Variants in SPATA13 observed in about 807,000 individuals in gnomAD.
SPATA13 encodes the protein spermatogenesis associated 13, also known as spermatogenesis-associated protein 13.
A neutral mutation model predicts 104.0 loss-of-function variants in SPATA13; 50 were observed. The ratio of observed to expected loss-of-function variants is 0.48; its 90% CI spans 0.38 to 0.61. The LOEUF (loss-of-function observed/expected upper bound fraction) is 0.61, where lower values mean the gene tolerates loss of function less well. Ranked by LOEUF, SPATA13 falls within the 20% of genes least tolerant of loss-of-function variation. The pLI is 0.00. For missense variants in SPATA13, 1,524 were observed against 1,690.6 expected (o/e 0.90, Z 1.73); for synonymous variants, 606 against 667.5 (o/e 0.91, Z 1.42).
chr13:24,050,920 A>C, intron 3 of SPATA13, among the ~76,000 whole-genome samples: 1 of 152,178 alleles, frequency 6.6e-6, no homozygotes, highest in East Asian at 1.9e-4. Flanking sequence ...CCCACTTCTC[A>C]AAAGAATGTG....
Position 24,216,250 on chromosome 13 carries a change from T to C in SPATA13, c.-111-6569T>C, listed in dbSNP as rs555044844. 1.2e-4 allele frequency among the ~76,000 whole-genome samples: 19 copies of C among 152,342 alleles called. 1 individual carries two copies. The highest frequency in any genetic ancestry group is 4.1e-4 in the African/African-American group (17 of 41,580). On this transcript the variant is annotated intron_variant, in intron 1 of 12. Coordinates refer to ENST00000382108, the MANE Select transcript of SPATA13 (RefSeq NM_001166271.3). Reference sequence around the variant, plus strand: ...ACTACACCAGCCTGACCTGCAACTTTAGACACAGAAGGAAGATTTTCCTTT... The same window carrying C: ...ACTACACCAGCCTGACCTGCAACTTCAGACACAGAAGGAAGATTTTCCTTT...
chr13:24,290,594 C>G, intron 8 of SPATA13, 58 bp from the exon 9 acceptor site: 1 of 1,324,370 alleles, frequency 7.6e-7, no homozygotes, highest in Non-Finnish European at 1.1e-6. Context: ...TGATGCCTGT[C>G]TTTGTCATGT....
chr13:24,140,068 CAAAAAA>C (rs542732994), intron 3 of SPATA13, among the ~76,000 whole-genome samples: 1 of 85,912 alleles, frequency 1.2e-5, no homozygotes. Context: ...GACTCCGTCT[CAAAAAA>C]AAAAAAAAAA....
intron 3 of SPATA13, among the ~76,000 whole-genome samples, chr13:24,105,088 T>C (rs1413543883): frequency 2.6e-5 from 4 of 151,688 alleles, no homozygotes; most frequent in Non-Finnish European, 4.4e-5. Context: ...ACCTCCACTA[T>C]GGTACCTCTT....
In SPATA13 at chr13:24,284,157, GC is replaced by G. The variant is rs1566191896; in HGVS notation, c.2190del (p.Ser731LeufsTer3). The G allele has an allele frequency of 6.2e-7, 1 of 1,613,616 alleles. No homozygotes were observed. Among genetic ancestry groups the G allele is most frequent in the South Asian group, 1.1e-5 (1 of 91,054 alleles). On this transcript the variant is annotated frameshift_variant, in exon 5 of 13. Transcript: ENST00000382108. LOFTEE classifies it high-confidence loss of function. ...SNVSSDGGTE[P>X]SALVDDNGSE... ...TAGTTTCTTCAGATGGAGGTACTGA[GC>G]CCTCTGCCTTAGTGGATGACAACGG...
At chr13:24,155,057 C>G (rs1366136678) in intron 3 of SPATA13, among the ~76,000 whole-genome samples, 1 of 152,114 alleles carries the variant, frequency 6.6e-6, no homozygotes, top group Non-Finnish European at 1.5e-5. Flanking sequence ...AGGGTTTCAC[C>G]ATGTTGGCTA....
rs1876849444 is a variant in SPATA13, at chr13:24,297,274, A to G, written c.3211-89A>G. ...AGGCTGGTCTCAAACTCTTGGCCTC[A>G]ACGATCCTCCCACCTTGGCTTCTTA... On this transcript the variant is annotated intron_variant, in intron 10 of 12. Transcript: ENST00000382108. 65 of 1,481,832 alleles carry G rather than the reference A, an allele frequency of 4.4e-5. 2 individuals carry two copies. In the South Asian group the frequency reaches 8.4e-4, roughly 19 times the overall value. The allele number at this position is 1,481,832 out of a possible 1,614,324, so 91.8% of individuals were successfully genotyped here. A position where few individuals can be genotyped will look rare whatever the true frequency, so the allele number is the denominator to read the frequency against.
chr13:24,183,605 ATTT>A (rs58865453), intron 1 of SPATA13, among the ~76,000 whole-genome samples: 13,333 of 147,848 alleles, frequency 0.09, 761 homozygotes, highest in Non-Finnish European at 0.13. Flanking sequence ...ATTTCTTTAC[ATTT>A]TTTTTTTTTT....
rs34901396 is a variant in SPATA13 at position 24,098,594 on chromosome 13, T to TAA, written c.-112+80906_-112+80907dup. On this transcript the variant is annotated intron_variant, in intron 3 of 14. Coordinates refer to the SPATA13 transcript ENST00000424834. ...CCTAGGAGATAGAGTGAGACTGTCTTAAAAAAAAAAAAAAGAAGAAGAAGA... is the reference window on the plus strand; with the variant it reads ...CCTAGGAGATAGAGTGAGACTGTCTTAAAAAAAAAAAAAAAAGAAGAAGAAGA... Among the ~76,000 whole-genome samples the TAA allele has an allele frequency of 3.1e-3, 274 of 88,248 alleles. 1 individual carries two copies. Among genetic ancestry groups the TAA allele is most frequent in the African/African-American group, 8.5e-3 (257 of 30,348 alleles). 57.9% of individuals were successfully genotyped at this position (88,248 alleles called of 152,430 possible).
chr13:24,251,326 C>G (rs140585671), intron 3 of SPATA13, among the ~76,000 whole-genome samples: 1 of 152,314 alleles, frequency 6.6e-6, no homozygotes, highest in African/African-American at 2.4e-5. Context: ...GGTTTGTGGC[C>G]TTGTCCTGGC....
chr13:23,987,001 CTGTGTGTGTGTGTGTGTGTG>C (rs113990315), intron 2 of SPATA13, among the ~76,000 whole-genome samples: 1 of 141,426 alleles, frequency 7.1e-6, no homozygotes, highest in African/African-American at 2.7e-5. Flanking sequence ...ATGGATATAT[CTGTGTGTGTGTGTGTGTGTG>C]TGTGTGTGTG....
Position 24,284,231 on chromosome 13 carries a change from G to A in SPATA13, c.2261G>A (p.Arg754Gln), listed in dbSNP as rs376912782. Residue 754 changes from arginine to glutamine, a missense_variant, in exon 5 of 13, where the codon CGG (arginine) becomes CAG (glutamine). Arg to Gln is a conservative substitution (Grantham distance 43). This residue lies in a region of SPATA13 where 1,089 missense variants were observed against 1,135.9 expected (regional missense o/e 0.96). Transcript: ENST00000382108. ...GAAGACCTCTGCCAGGCCAGCCCTC[G>A]GTACCTGCAGCCCGGCGGGGAGCAG... ...SYEDLCQASP[R>Q]YLQPGGEQLA... 77 of 1,613,546 alleles carry A rather than the reference G, an allele frequency of 4.8e-5. No homozygotes were observed. The Middle Eastern group carries it at 5.1e-4, about 11-fold the overall frequency.
intron 2 of SPATA13, among the ~76,000 whole-genome samples, chr13:23,995,441 GC>G (rs747127128): frequency 4.5e-4 from 68 of 152,252 alleles, no homozygotes; most frequent in South Asian, 3.5e-3. Flanking sequence ...AACTGATTAT[GC>G]TGATAACTTA....
rs113900724 is a variant in SPATA13, at chr13:24,130,632, A to G, written c.-111-92187A>G. 2.6e-3 allele frequency among the ~76,000 whole-genome samples: 398 copies of G among 152,300 alleles called. 3 individuals carry two copies. The highest frequency in any genetic ancestry group is 9.4e-3 in the African/African-American group (391 of 41,566). On this transcript the variant is annotated intron_variant, in intron 3 of 14. Transcript: ENST00000424834. ...TTATGGGGTTAATAACTCCATGTCC[A>G]TGTTCCCTAAGTGAAGTGAATAGTT...
chr13:24,041,861 A>G (rs571703582), intron 3 of SPATA13, among the ~76,000 whole-genome samples: 3 of 152,336 alleles, frequency 2.0e-5, no homozygotes, highest in African/African-American at 7.2e-5. Flanking sequence ...AGACTTGGCC[A>G]CCAATGGAAG....
chr13:24,295,657 C>T (rs1876721369), intron 10 of SPATA13, among the ~76,000 whole-genome samples: 1 of 112,516 alleles, frequency 8.9e-6, no homozygotes, highest in Admixed American at 9.9e-5. Context: ...TAATAATGGT[C>T]CAACAAATTC....
chr13:24,151,272 A>C (rs1302981079), intron 3 of SPATA13, among the ~76,000 whole-genome samples: 5 of 152,206 alleles, frequency 3.3e-5, no homozygotes, highest in East Asian at 1.9e-4. Context: ...AGACAGGCAG[A>C]TCTTGGTCTG....
At chr13:24,275,482 A>T (rs866020124) in intron 4 of SPATA13, among the ~76,000 whole-genome samples, 4 of 152,254 alleles carry the variant, frequency 2.6e-5, no homozygotes, top group African/African-American at 9.6e-5. Context: ...TTGATGACCA[A>T]GGGTGTGCTC....
At chr13:24,298,871 T>C (rs925704926) in intron 11 of SPATA13, among the ~76,000 whole-genome samples, 1 of 152,262 alleles carries the variant, frequency 6.6e-6, no homozygotes, top group South Asian at 2.1e-4. Flanking sequence ...GGGATCGACT[T>C]GGAAACACTC....
Sources: gnomAD v4.1 joint callset for allele counts (sites outside exome capture counted in the v4.1 genomes callset) on GRCh38, gnomAD v4.1.1 for gene constraint, gnomAD v4.1.1 regional missense constraint, MANE v1.5 for transcripts, NCBI Gene and HGNC (gene_info 2026-07-23, HGNC 2026-07-21) for gene names.